Variants in NRXN3 observed in about 807,000 individuals in gnomAD.
NRXN3 encodes neurexin III.
NRXN3 carries 32 observed loss-of-function variants against 137.6 expected under a neutral mutation model. The ratio of observed to expected loss-of-function variants is 0.23; its 90% CI spans 0.18 to 0.31. The LOEUF (loss-of-function observed/expected upper bound fraction) is 0.31. Among genes scored for constraint, NRXN3 ranks in the 10% least tolerant of loss-of-function variants. NRXN3 has a pLI of 1.00. For synonymous variants in NRXN3, 798 were observed against 784.5 expected, an observed-to-expected ratio of 1.02 and a Z score of -0.29; for missense variants, 1,574 against 2,062.5, an observed-to-expected ratio of 0.76 and a Z score of 4.59.
chr14:79,235,620 G>T (rs1347965005), intron 15 of NRXN3, among the ~76,000 whole-genome samples: 1 of 152,108 alleles, frequency 6.6e-6, no homozygotes, highest in African/African-American at 2.4e-5. Context: ...TTAGGACATT[G>T]TCAACACAGA....
At chr14:79,773,732 A>G (rs537079725) in intron 19 of NRXN3, among the ~76,000 whole-genome samples, 33 of 151,970 alleles carry the variant, frequency 2.2e-4, no homozygotes, top group African/African-American at 7.7e-4. Flanking sequence ...TACATACGTA[A>G]CTAACCTGCA....
intron 14 of NRXN3, among the ~76,000 whole-genome samples, chr14:78,974,158 A>T (rs573811890): frequency 6.6e-6 from 1 of 152,350 alleles, no homozygotes; most frequent in African/African-American, 2.4e-5. Context: ...TTGTGGCAAT[A>T]CTGTTGTTTT....
chr14:79,035,878 C>T (rs1281047521), intron 15 of NRXN3, among the ~76,000 whole-genome samples: 1 of 152,038 alleles, frequency 6.6e-6, no homozygotes, highest in Non-Finnish European at 1.5e-5. Context: ...TGTTCCCCCA[C>T]TACTTTATAA....
At chr14:78,215,064 G>A (rs1460578881) in intron 1 of NRXN3, among the ~76,000 whole-genome samples, 2 of 152,050 alleles carry the variant, frequency 1.3e-5, no homozygotes, top group African/African-American at 4.8e-5. Context: ...GTGCTCTTTT[G>A]TAAACTCTAA....
intron 1 of NRXN3, among the ~76,000 whole-genome samples, chr14:78,202,305 T>A (rs966060410): frequency 2.0e-5 from 3 of 152,228 alleles, no homozygotes; most frequent in Non-Finnish European, 4.4e-5. Flanking sequence ...AAGTAAAAAG[T>A]GAAATGAAAT....
At chr14:79,736,574 G>T (rs2098942559) in intron 19 of NRXN3, among the ~76,000 whole-genome samples, 1 of 152,168 alleles carries the variant, frequency 6.6e-6, no homozygotes, top group Non-Finnish European at 1.5e-5. Context: ...GGTCGTGGGG[G>T]TGACAAAGGC....
intron 15 of NRXN3, among the ~76,000 whole-genome samples, chr14:79,359,790 C>T (rs1188727784): frequency 1.3e-5 from 2 of 151,996 alleles, no homozygotes; most frequent in Non-Finnish European, 2.9e-5. Flanking sequence ...AGAGCAATAA[C>T]TCTGTAGGGA....
intron 19 of NRXN3, among the ~76,000 whole-genome samples, chr14:79,706,768 G>A (rs2098781650): frequency 6.6e-6 from 1 of 152,130 alleles, no homozygotes; most frequent in African/African-American, 2.4e-5. Flanking sequence ...TACCTAAACT[G>A]CCATTGCTAT....
In NRXN3 at chr14:79,273,330, G is replaced by GTAA. The variant is rs924307653; in HGVS notation, c.3263-193875_3263-193873dup. Among the ~76,000 whole-genome samples the GTAA allele has an allele frequency of 2.5e-3, 380 of 151,112 alleles. 1 individual carries two copies. The highest frequency in any genetic ancestry group is 8.3e-3 in the African/African-American group (341 of 41,162). ...TCTGGAGAAAAAAATAATAATGGTA[G>GTAA]TAATAATAATAATAATAAAATGGGC... On this transcript the variant is annotated intron_variant, in intron 15 of 20. Coordinates refer to ENST00000335750, the MANE Select transcript of NRXN3 (RefSeq NM_001330195.2).
intron 4 of NRXN3, among the ~76,000 whole-genome samples, chr14:78,404,113 T>C (rs150303461): frequency 3.2e-4 from 49 of 152,150 alleles, no homozygotes; most frequent in African/African-American, 1.1e-3. Context: ...AATAAATCTC[T>C]AATTTTTCTT....
Position 78,660,586 on chromosome 14 carries a change from A to T in NRXN3, c.1221+9260A>T, listed in dbSNP as rs1008885393. Among the ~76,000 whole-genome samples the T allele has an allele frequency of 1.1e-4, 17 of 152,278 alleles. No homozygotes were observed. In the South Asian group the frequency reaches 1.7e-3, roughly 15 times the overall value. On this transcript the variant is annotated intron_variant, in intron 6 of 20. Coordinates refer to ENST00000335750, the MANE Select transcript of NRXN3 (RefSeq NM_001330195.2). ...TAGAACTTGGAGTGGTGTTAAACTA[A>T]GCTTCTGGCCACTATCTTGCCACCA...
intron 20 of NRXN3, among the ~76,000 whole-genome samples, chr14:79,812,013 A>T (rs1448776757): frequency 1.3e-5 from 2 of 152,152 alleles, no homozygotes; most frequent in African/African-American, 4.8e-5. Context: ...GAAATATAAG[A>T]ATAGGAAAGA....
intron 18 of NRXN3, among the ~76,000 whole-genome samples, chr14:79,696,066 C>G (rs531129021): frequency 6.6e-6 from 1 of 152,058 alleles, no homozygotes; most frequent in Admixed American, 6.6e-5. Context: ...TAACTCTTGT[C>G]TAAGGAGTAT....
chr14:78,482,078 T>C (rs1057088308), intron 4 of NRXN3, among the ~76,000 whole-genome samples: 1 of 152,010 alleles, frequency 6.6e-6, no homozygotes, highest in African/African-American at 2.4e-5. Context: ...CAAGAAAAAG[T>C]TTTGAGTTTT....
intron 4 of NRXN3, among the ~76,000 whole-genome samples, chr14:78,602,115 T>G (rs1172499263): frequency 6.6e-6 from 1 of 152,160 alleles, no homozygotes; most frequent in Non-Finnish European, 1.5e-5. Flanking sequence ...ACAAGGAGTT[T>G]CAAGGTCTTC....
intron 15 of NRXN3, among the ~76,000 whole-genome samples, chr14:79,267,016 A>C (rs1452817969): frequency 2.6e-5 from 4 of 152,232 alleles, no homozygotes; most frequent in Non-Finnish European, 4.4e-5. Flanking sequence ...TATATAATTG[A>C]AAGTTGACTG....
At chr14:78,811,859 G>A (rs918691904) in intron 10 of NRXN3, among the ~76,000 whole-genome samples, 5 of 152,122 alleles carry the variant, frequency 3.3e-5, no homozygotes, top group Admixed American at 3.3e-4. Context: ...ATCACTTACA[G>A]TTATTTTAAG....
At chr14:79,775,800 T>A (rs951916458) in intron 19 of NRXN3, among the ~76,000 whole-genome samples, 3 of 152,174 alleles carry the variant, frequency 2.0e-5, no homozygotes, top group African/African-American at 7.2e-5. Flanking sequence ...GTTTGAAGAT[T>A]CTGTCTGATT....
intron 3 of NRXN3, among the ~76,000 whole-genome samples, chr14:78,290,514 C>T (rs540823812): frequency 3.3e-5 from 5 of 152,212 alleles, no homozygotes; most frequent in East Asian, 1.9e-4. Flanking sequence ...CACCTGTAAT[C>T]GCAACTACTC....
Sources: gnomAD v4.1 joint callset for allele counts (sites outside exome capture counted in the v4.1 genomes callset) on GRCh38, gnomAD v4.1.1 for gene constraint, MANE v1.5 for transcripts, NCBI Gene and HGNC (gene_info 2026-07-23, HGNC 2026-07-21) for gene names.